The following HCN1 variants were observed in gnomAD, a reference collection of about 807,000 sequenced individuals.
HCN1 encodes the protein hyperpolarization activated cyclic nucleotide gated potassium channel 1, also known as potassium/sodium hyperpolarization-activated cyclic nucleotide-gated channel 1.
A neutral mutation model predicts 78.9 loss-of-function variants in HCN1; 13 were observed. That is an observed-to-expected ratio of 0.16 (90% CI 0.11 to 0.26). HCN1 has a LOEUF of 0.26. Among genes scored for constraint, HCN1 ranks in the 10% least tolerant of loss-of-function variants. The probability of loss-of-function intolerance (pLI) is 1.00; values close to 1 mark genes in which losing one functional copy is unlikely to be tolerated. For synonymous variants in HCN1, 552 were observed against 455.5 expected (o/e 1.21, Z -2.70); for missense variants, 810 against 1,154.3 (o/e 0.70, Z 4.32).
chr5:45,376,100 T>G (rs1376452540), intron 4 of HCN1, among the ~76,000 whole-genome samples: 2 of 110,926 alleles, frequency 1.8e-5, no homozygotes, highest in Non-Finnish European at 1.6e-5. Flanking sequence ...ATATATAATA[T>G]AATGTTTTAT....
rs2111806431 is a variant in HCN1 at position 45,532,720 on chromosome 5, G to A, written c.850-70713C>T. Among the ~76,000 whole-genome samples, 2 of 152,278 alleles carry A rather than the reference G, an allele frequency of 1.3e-5. 1 individual carries two copies. Among genetic ancestry groups the A allele is most frequent in the South Asian group, 4.1e-4 (2 of 4,824 alleles). On this transcript the variant is annotated intron_variant, in intron 2 of 7. Coordinates refer to ENST00000303230, the MANE Select transcript of HCN1 (RefSeq NM_021072.4). ...TTATCCTACAGTACTTGTTGTCCTT[G>A]AGCCAAAGACAGTGGTCAGAATCTC...
chr5:45,459,244 A>G (rs1190421560), intron 3 of HCN1, among the ~76,000 whole-genome samples: 1 of 151,912 alleles, frequency 6.6e-6, no homozygotes, highest in Non-Finnish European at 1.5e-5. Context: ...ATCTCAAAAA[A>G]TAAAAACAAT....
At chr5:45,658,553 T>A (rs1357481577) in intron 1 of HCN1, among the ~76,000 whole-genome samples, 1 of 152,032 alleles carries the variant, frequency 6.6e-6, no homozygotes, top group Non-Finnish European at 1.5e-5. Context: ...CGGGTTCATC[T>A]CACTAGGGAG....
At chr5:45,689,211 T>C (rs1358135184) in intron 1 of HCN1, among the ~76,000 whole-genome samples, 1 of 152,066 alleles carries the variant, frequency 6.6e-6, no homozygotes, top group Non-Finnish European at 1.5e-5. Flanking sequence ...GATGGGATGA[T>C]CTGTGCAGCA....
At chr5:45,592,869 T>C (rs1249290793) in intron 2 of HCN1, among the ~76,000 whole-genome samples, 1 of 152,214 alleles carries the variant, frequency 6.6e-6, no homozygotes, top group Non-Finnish European at 1.5e-5. Context: ...AGTTATCTTA[T>C]TGTTTGCCTA....
chr5:45,675,893 C>G (rs1163934926), intron 1 of HCN1, among the ~76,000 whole-genome samples: 1 of 151,706 alleles, frequency 6.6e-6, no homozygotes, highest in African/African-American at 2.4e-5. Flanking sequence ...ATAAGATAAG[C>G]TCAAGAGTGA....
intron 1 of HCN1, among the ~76,000 whole-genome samples, chr5:45,668,451 G>C (rs962366428): frequency 1.3e-5 from 2 of 151,882 alleles, no homozygotes; most frequent in Non-Finnish European, 2.9e-5. Context: ...CGCCATGATT[G>C]TAAGTTTCCT....
In HCN1 at chr5:45,548,943, C is replaced by T. The variant is rs1215785386; in HGVS notation, c.850-86936G>A. On this transcript the variant is annotated intron_variant, in intron 2 of 7. Transcript: ENST00000303230. ...ACCTAGGAATCCAACTTACAAGGGA[C>T]GTGAAGGACCTCTTCAAGGAGAACT... Among the ~76,000 whole-genome samples, 26 of 149,660 alleles carry T rather than the reference C, an allele frequency of 1.7e-4. No individual in the cohort carries two copies. In the South Asian group the frequency reaches 2.2e-3, roughly 12 times the overall value.
intron 2 of HCN1, among the ~76,000 whole-genome samples, chr5:45,547,897 T>C (rs1402424020): frequency 1.3e-5 from 2 of 152,014 alleles, no homozygotes; most frequent in Admixed American, 1.3e-4. Flanking sequence ...GTTAATCCAA[T>C]ATTTACTAGT....
chr5:45,372,799 G>A lies in HCN1; in HGVS notation c.1231-19553C>T, dbSNP rs186307885. Among the ~76,000 whole-genome samples the A allele has an allele frequency of 3.5e-3, 487 of 139,414 alleles. 2 individuals carry two copies. Among genetic ancestry groups the A allele is most frequent in the African/African-American group, 0.012 (439 of 37,158 alleles). 91.5% of individuals were successfully genotyped at this position (139,414 alleles called of 152,430 possible). A position where few individuals can be genotyped will look rare whatever the true frequency, so the allele number is the denominator to read the frequency against. ...GTATTCTATACACAAAAATATTTAC[G>A]TATTCTATACACAAATATATGTACG... On this transcript the variant is annotated intron_variant, in intron 4 of 7. Transcript: ENST00000303230.
intron 2 of HCN1, among the ~76,000 whole-genome samples, chr5:45,466,149 G>T (rs2111637789): frequency 6.6e-6 from 1 of 152,204 alleles, no homozygotes; most frequent in Middle Eastern, 3.4e-3. Flanking sequence ...TTTCTAAACT[G>T]CACTATACAA....
chr5:45,650,380 G>A (rs192719879), intron 1 of HCN1, among the ~76,000 whole-genome samples: 2 of 152,042 alleles, frequency 1.3e-5, no homozygotes, highest in South Asian at 2.1e-4. Context: ...AAAGCCTAAC[G>A]TCAACAATGA....
At chr5:45,613,028 A>C (rs2111981588) in intron 2 of HCN1, among the ~76,000 whole-genome samples, 1 of 152,198 alleles carries the variant, frequency 6.6e-6, no homozygotes, top group Admixed American at 6.5e-5. Flanking sequence ...TTATACTTTA[A>C]GTTTTAGGGT....
chr5:45,665,115 G>T (rs1195903511), intron 1 of HCN1, among the ~76,000 whole-genome samples: 1 of 151,794 alleles, frequency 6.6e-6, no homozygotes, highest in Non-Finnish European at 1.5e-5. Context: ...ATACTATGTA[G>T]CCATAAAAAA....
chr5:45,660,013 A>G (rs1163987794), intron 1 of HCN1, among the ~76,000 whole-genome samples: 2 of 134,646 alleles, frequency 1.5e-5, no homozygotes, highest in Non-Finnish European at 3.1e-5. Flanking sequence ...CAGATTCACC[A>G]AAGTTGAAAT....
At chr5:45,454,402 T>C (rs1334045980) in intron 3 of HCN1, among the ~76,000 whole-genome samples, 3 of 151,454 alleles carry the variant, frequency 2.0e-5, no homozygotes, top group Admixed American at 6.6e-5. Context: ...TTATAACTCA[T>C]AGGAGCTACG....
At chr5:45,623,152 AAT>A (rs1449731054) in intron 2 of HCN1, among the ~76,000 whole-genome samples, 1 of 152,118 alleles carries the variant, frequency 6.6e-6, no homozygotes, top group Non-Finnish European at 1.5e-5. Context: ...ATAGCCCAAG[AAT>A]ATATGTGTTT....
intron 3 of HCN1, among the ~76,000 whole-genome samples, chr5:45,453,743 T>G (rs1740970256): frequency 6.6e-6 from 1 of 152,120 alleles, no homozygotes; most frequent in South Asian, 2.1e-4. Flanking sequence ...GGTAAATGTA[T>G]TTTTACTCAT....
chr5:45,405,094 C>T, intron 3 of HCN1, among the ~76,000 whole-genome samples: 1 of 152,044 alleles, frequency 6.6e-6, no homozygotes, highest in East Asian at 1.9e-4. Flanking sequence ...AGTATAAATT[C>T]TTTAGAGCTA....
Sources: allele counts gnomAD v4.1 joint callset (sites outside exome capture counted in the v4.1 genomes callset), GRCh38; gene constraint gnomAD v4.1.1; transcripts MANE v1.5; gene names NCBI Gene and HGNC (gene_info 2026-07-23, HGNC 2026-07-21).